Variants in GPC5 observed in about 807,000 individuals in gnomAD.
The protein encoded by GPC5 is glypican 5.
In GPC5, 47 loss-of-function variants were observed where a neutral mutation model predicts 53.9. The observed-to-expected ratio is 0.87, with a 90% CI of 0.69 to 1.11. The LOEUF (loss-of-function observed/expected upper bound fraction) is 1.11, where lower values mean the gene tolerates loss of function less well. Ranked by LOEUF, GPC5 falls within the 50% of genes most tolerant of loss-of-function variation. The probability of loss-of-function intolerance (pLI) is 0.00; values close to 1 mark genes in which losing one functional copy is unlikely to be tolerated. For missense variants in GPC5, 748 were observed against 713.1 expected, an observed-to-expected ratio of 1.05 and a Z score of -0.56; for synonymous variants, 286 against 263.3, an observed-to-expected ratio of 1.09 and a Z score of -0.84.
chr13:92,273,983 C>T (rs1027077773), intron 7 of GPC5, among the ~76,000 whole-genome samples: 1 of 152,136 alleles, frequency 6.6e-6, no homozygotes, highest in African/African-American at 2.4e-5. Flanking sequence ...CAAGAGTATG[C>T]TCTTTAATTG....
intron 7 of GPC5, among the ~76,000 whole-genome samples, chr13:92,622,890 G>A (rs1333730718): frequency 2.0e-5 from 3 of 152,204 alleles, no homozygotes; most frequent in African/African-American, 7.2e-5. Context: ...CTTGGCAGAA[G>A]TGAGTTAGCA....
chr13:92,836,162 T>C (rs889059962), intron 7 of GPC5, among the ~76,000 whole-genome samples: 2 of 152,084 alleles, frequency 1.3e-5, no homozygotes, highest in African/African-American at 4.8e-5. Context: ...GTTTTTAGTG[T>C]TTGTATTTTC....
At chr13:91,519,022 A>G (rs1469623117) in intron 2 of GPC5, among the ~76,000 whole-genome samples, 3 of 152,230 alleles carry the variant, frequency 2.0e-5, no homozygotes, top group Non-Finnish European at 4.4e-5. Context: ...CTAGTTTGAA[A>G]TACGGGACGT....
chr13:91,398,806 C>T lies in GPC5; in HGVS notation c.-241C>T. 1 of 446,230 alleles carries T rather than the reference C, an allele frequency of 2.2e-6. No individual in the cohort carries two copies. The highest frequency in any genetic ancestry group is 3.9e-6 in the Non-Finnish European group (1 of 254,702). The allele number at this position is 446,230 out of a possible 1,614,324, so 27.6% of individuals were successfully genotyped here. ...CCGCCCAGCCGCCCACTCTTCTCGGCTAGGGAAGAAGACCAGAGGGTGCTC... is the reference window on the plus strand; with the variant it reads ...CCGCCCAGCCGCCCACTCTTCTCGGTTAGGGAAGAAGACCAGAGGGTGCTC... On this transcript the variant is annotated 5_prime_UTR_variant, in exon 1 of 8. Coordinates refer to ENST00000377067, the MANE Select transcript of GPC5 (RefSeq NM_004466.6).
intron 2 of GPC5, among the ~76,000 whole-genome samples, chr13:91,579,406 T>C (rs1418526155): frequency 6.6e-6 from 1 of 152,186 alleles, no homozygotes; most frequent in African/African-American, 2.4e-5. Context: ...TAACATTTTA[T>C]AACCTGCATC....
At position 92,816,179 on chromosome 13, in the gene GPC5, T is replaced by C. The variant is rs143345382; in HGVS notation, c.1562-50103T>C. On this transcript the variant is annotated intron_variant, in intron 7 of 7. Coordinates refer to ENST00000377067, the MANE Select transcript of GPC5 (RefSeq NM_004466.6). ...AAGAGGAATACACTTTCTCAATGTG[T>C]CTGTTATACATAATTTTCATTCTGT... Among the ~76,000 whole-genome samples the C allele has an allele frequency of 4.0e-4, 61 of 152,136 alleles. No homozygotes were observed. In the East Asian group the frequency reaches 0.011, roughly 28 times the overall value.
chr13:91,963,159 G>A (rs1434901138), intron 6 of GPC5, among the ~76,000 whole-genome samples: 7 of 152,046 alleles, frequency 4.6e-5, no homozygotes, highest in Admixed American at 4.6e-4. Flanking sequence ...TACCTATTAG[G>A]TACAGGTATA....
Position 92,506,726 on chromosome 13 carries a change from G to A in GPC5, c.1562-359556G>A, listed in dbSNP as rs564912345. On this transcript the variant is annotated intron_variant, in intron 7 of 7. Coordinates refer to ENST00000377067, the MANE Select transcript of GPC5 (RefSeq NM_004466.6). Reference sequence around the variant, plus strand: ...CTCTTCTACTTTGTGTCAAGGCTCCGGGTGATTCATTTGGAATCTTCTACC... The same window carrying A: ...CTCTTCTACTTTGTGTCAAGGCTCCAGGTGATTCATTTGGAATCTTCTACC... Among the ~76,000 whole-genome samples, 11 of 152,146 alleles carry A rather than the reference G, an allele frequency of 7.2e-5. No individual in the cohort carries two copies. The East Asian group carries it at 1.4e-3, about 19-fold the overall frequency.
chr13:92,721,289 G>C (rs576866281), intron 7 of GPC5, among the ~76,000 whole-genome samples: 2 of 151,980 alleles, frequency 1.3e-5, no homozygotes, highest in African/African-American at 4.8e-5. Context: ...AGCAGAATTT[G>C]GACTCCAGAA....
At chr13:92,346,578 T>A (rs965429931) in intron 7 of GPC5, among the ~76,000 whole-genome samples, 1 of 151,980 alleles carries the variant, frequency 6.6e-6, no homozygotes, top group African/African-American at 2.4e-5. Context: ...CAAATAACAC[T>A]TAAAAAGATC....
intron 5 of GPC5, among the ~76,000 whole-genome samples, chr13:91,854,213 A>T (rs2038943616): frequency 6.6e-6 from 1 of 151,850 alleles, no homozygotes; most frequent in South Asian, 2.1e-4. Context: ...GCATTTGCAG[A>T]ACAAATAAAG....
chr13:91,977,013 T>C (rs916339003), intron 6 of GPC5, among the ~76,000 whole-genome samples: 12 of 151,234 alleles, frequency 7.9e-5, no homozygotes, highest in African/African-American at 2.9e-4. Context: ...CACTCCAGCC[T>C]GGATGACAGA....
intron 5 of GPC5, among the ~76,000 whole-genome samples, chr13:91,825,841 G>C (rs1238953405): frequency 1.3e-5 from 2 of 152,048 alleles, no homozygotes; most frequent in Non-Finnish European, 2.9e-5. Flanking sequence ...GAACAACAAA[G>C]GGAAGAAGCC....
intron 7 of GPC5, among the ~76,000 whole-genome samples, chr13:92,736,640 A>T (rs543029858): frequency 1.5e-4 from 23 of 151,852 alleles, no homozygotes; most frequent in Admixed American, 1.5e-3. Flanking sequence ...GAGCTCCCTC[A>T]TGTTATCCTG....
At chr13:92,208,304 A>G (rs2042351892) in intron 7 of GPC5, among the ~76,000 whole-genome samples, 1 of 152,190 alleles carries the variant, frequency 6.6e-6, no homozygotes, top group Non-Finnish European at 1.5e-5. Flanking sequence ...ATGGGTATCC[A>G]TTTACTAGGC....
intron 7 of GPC5, among the ~76,000 whole-genome samples, chr13:92,449,378 A>T (rs1037604265): frequency 6.6e-6 from 1 of 152,142 alleles, no homozygotes; most frequent in East Asian, 1.9e-4. Context: ...ATCGAGTCAC[A>T]TGGAGTAATT....
chr13:91,882,902 T>C (rs185316211), intron 5 of GPC5, among the ~76,000 whole-genome samples: 3 of 152,220 alleles, frequency 2.0e-5, no homozygotes, highest in Admixed American at 2.0e-4. Flanking sequence ...GAAAGGAAGC[T>C]AGAGATTGGT....
intron 3 of GPC5, among the ~76,000 whole-genome samples, chr13:91,723,035 G>A (rs1427392814): frequency 6.6e-6 from 1 of 151,958 alleles, no homozygotes; most frequent in Non-Finnish European, 1.5e-5. Flanking sequence ...TGGTATTATG[G>A]TTATAACTTT....
At chr13:91,578,022 C>T (rs1475067900) in intron 2 of GPC5, among the ~76,000 whole-genome samples, 1 of 152,200 alleles carries the variant, frequency 6.6e-6, no homozygotes, top group Non-Finnish European at 1.5e-5. Flanking sequence ...TTCAGCCTTC[C>T]TCTCTCATCT....
Sources: allele counts gnomAD v4.1 joint callset (sites outside exome capture counted in the v4.1 genomes callset), GRCh38; gene constraint gnomAD v4.1.1; transcripts MANE v1.5; gene names NCBI Gene and HGNC (gene_info 2026-07-23, HGNC 2026-07-21).